The following IL17RC variants were observed in gnomAD, a reference collection of about 807,000 sequenced individuals.
IL17RC encodes the protein interleukin-17 receptor C.
In IL17RC, 53 loss-of-function variants were observed where a neutral mutation model predicts 86.7. The observed-to-expected ratio is 0.61, with a 90% CI of 0.49 to 0.77. The LOEUF is 0.77. Ranked by LOEUF, IL17RC falls within the 30% of genes least tolerant of loss-of-function variation. The pLI is 0.00. For missense variants in IL17RC, 957 were observed against 940.0 expected (o/e 1.02, Z -0.24); for synonymous variants, 439 against 413.1 (o/e 1.06, Z -0.76).
intron 10 of IL17RC, 37 bp downstream of exon 10, chr3:9,928,257 G>A (rs2084290673): frequency 1.2e-6 from 2 of 1,613,936 alleles, no homozygotes; most frequent in East Asian, 2.2e-5. Flanking sequence ...TTGGGGTGTT[G>A]CGAGCGATGG....
At position 9,920,612 on chromosome 3, in the gene IL17RC, C is replaced by A. The variant is rs766428005; in HGVS notation, c.577+10C>A. The A allele has an allele frequency of 5.1e-6, 8 of 1,559,206 alleles. No individual in the cohort carries two copies. The African/African-American group carries it at 8.1e-5, about 16-fold the overall frequency. ...ACACAGCAGCTGCCTGGTAAGTGGA[C>A]CCCCAAGTCCTGGCCCCCTAGCCTC... On this transcript the variant is annotated intron_variant, in intron 6 of 18. Transcript: ENST00000403601.
chr3:9,919,920 C>A (rs199557685), intron 5 of IL17RC, among the ~76,000 whole-genome samples: 21 of 151,996 alleles, frequency 1.4e-4, no homozygotes, highest in African/African-American at 4.8e-4. Flanking sequence ...GGTATACTTA[C>A]CATGGTGTAA....
intron 7 of IL17RC, 73 bp from the exon 8 acceptor site, chr3:9,923,808 C>A: frequency 6.5e-7 from 1 of 1,541,976 alleles, no homozygotes; most frequent in South Asian, 1.2e-5. Context: ...TTGAAGGAAA[C>A]TCCAAAGGGT....
At position 9,925,616 on chromosome 3, in the gene IL17RC, C is replaced by T. The variant is rs200434294; in HGVS notation, c.822+1325C>T. Among the ~76,000 whole-genome samples, 29 of 152,142 alleles carry T rather than the reference C, an allele frequency of 1.9e-4. No individual in the cohort carries two copies. The East Asian group carries it at 4.6e-3, about 24-fold the overall frequency. On this transcript the variant is annotated intron_variant, in intron 9 of 18. Coordinates refer to ENST00000403601, the MANE Select transcript of IL17RC (RefSeq NM_153460.4). ...TTCTGGGCCCATATTCTGCCCCCAA[C>T]GGTGCCTTTTCACTCTATTTTCCCC...
rs1280994624 is a variant in IL17RC at position 9,920,615 on chromosome 3, C to G, written c.577+13C>G. On this transcript the variant is annotated intron_variant, in intron 6 of 18. Coordinates refer to ENST00000403601, the MANE Select transcript of IL17RC (RefSeq NM_153460.4). ...CAGCAGCTGCCTGGTAAGTGGACCC[C>G]CAAGTCCTGGCCCCCTAGCCTCTGT... 1.3e-6 allele frequency: 2 copies of G among 1,554,002 alleles called. No individual in the cohort carries two copies. Among genetic ancestry groups the G allele is most frequent in the Non-Finnish European group, 1.8e-6 (2 of 1,134,044 alleles).
intron 8 of IL17RC, 66 bp from the exon 9 acceptor site, chr3:9,924,166 C>G: frequency 1.2e-6 from 2 of 1,609,864 alleles, no homozygotes; most frequent in Non-Finnish European, 1.7e-6. Flanking sequence ...TCCTGGTTTC[C>G]TTGACTTTGG....
At chr3:9,931,460 C>CATAT (rs1187751352) in intron 16 of IL17RC, among the ~76,000 whole-genome samples, 2 of 10,528 alleles carry the variant, frequency 1.9e-4, no homozygotes, top group African/African-American at 2.5e-4. Context: ...ATTTCACACA[C>CATAT]ACACACACAC....
chr3:9,929,706 C>T (rs2084470689), intron 12 of IL17RC, 146 bp from the exon 13 acceptor site: 1 of 817,496 alleles, frequency 1.2e-6, no homozygotes, highest in East Asian at 2.4e-5. Context: ...TTCCTAATCA[C>T]CCAGCCTTGA....
chr3:9,932,521 C>A, intron 16 of IL17RC, 87 bp from the exon 17 acceptor site: 1 of 1,254,920 alleles, frequency 8.0e-7, no homozygotes, highest in Non-Finnish European at 1.2e-6. Context: ...TGAGCCACCG[C>A]ACCCGGCCCA....
chr3:9,917,765 C>T, intron 2 of IL17RC, 31 bp downstream of exon 2: 1 of 1,613,510 alleles, frequency 6.2e-7, no homozygotes, highest in Non-Finnish European at 8.5e-7. Flanking sequence ...AAAGAATTTC[C>T]CAGGTTGGCC....
rs757445262 is a variant in IL17RC at position 9,933,497 on chromosome 3, GC to G, written c.2069del (p.Pro690GlnfsTer33). The G allele has an allele frequency of 6.2e-7, 1 of 1,611,632 alleles. No individual in the cohort carries two copies. Among genetic ancestry groups the G allele is most frequent in the Non-Finnish European group, 8.5e-7 (1 of 1,179,334 alleles). ...RAEQVSRALQ[P>X]ALDSYFHPPG... The stretch of plus-strand genomic sequence containing the variant: ...CGGAGCAAGTGTCCCGGGCCCTTCA[GC>G]CAGCCCTGGATAGCTACTTCCATCC... On this transcript the variant is annotated frameshift_variant, in exon 19 of 19. Coordinates refer to ENST00000403601, the MANE Select transcript of IL17RC (RefSeq NM_153460.4). LOFTEE classifies it low-confidence loss of function (END_TRUNC).
intron 9 of IL17RC, among the ~76,000 whole-genome samples, chr3:9,926,786 C>T (rs1298225370): frequency 6.6e-6 from 1 of 152,056 alleles, no homozygotes; most frequent in Non-Finnish European, 1.5e-5. Context: ...CCATGCCCGG[C>T]TAATTTTTGT....
Position 9,917,187 on chromosome 3 carries a change from C to T in IL17RC, c.-129C>T, listed in dbSNP as rs2083147334. 4.4e-6 allele frequency: 3 copies of T among 685,478 alleles called. No homozygotes were observed. Among genetic ancestry groups the T allele is most frequent in the South Asian group, 3.8e-5 (2 of 52,824 alleles). The allele number at this position is 685,478 out of a possible 1,614,324, so 42.5% of individuals were successfully genotyped here. ...AAACTACCCAGCACAGCCCCCTCCG[C>T]CCCCTCTGGAGGCTGAAGAGGGATT... On this transcript the variant is annotated 5_prime_UTR_variant, in exon 1 of 19. Transcript: ENST00000403601.
chr3:9,917,554 G>A lies in IL17RC; in HGVS notation c.105+134G>A. The A allele has an allele frequency of 1.9e-6, 3 of 1,613,616 alleles. No homozygotes were observed. The highest frequency in any genetic ancestry group is 1.7e-6 in the Non-Finnish European group (2 of 1,180,020). Reference sequence around the variant, plus strand: ...TCTGGTCTGTCTGGTGCTGATGGTAGAAGAGAAGAACGGGGAAGGGGCAAG... The same window carrying A: ...TCTGGTCTGTCTGGTGCTGATGGTAAAAGAGAAGAACGGGGAAGGGGCAAG... On this transcript the variant is annotated intron_variant, in intron 1 of 18. Coordinates refer to ENST00000403601, the MANE Select transcript of IL17RC (RefSeq NM_153460.4).
intron 7 of IL17RC, 36 bp downstream of exon 7, chr3:9,921,005 G>T (rs772590502): frequency 7.0e-7 from 1 of 1,432,038 alleles, no homozygotes; most frequent in East Asian, 2.3e-5. Context: ...GGGTAGGGAG[G>T]GGCAGGGTCT....
rs372996517 is a variant in IL17RC at position 9,918,050 on chromosome 3, T to C, written c.255T>C (p.Arg85=). The C allele has an allele frequency of 1.6e-5, 26 of 1,592,854 alleles. No individual in the cohort carries two copies. Among genetic ancestry groups the C allele is most frequent in the Non-Finnish European group, 2.0e-5 (23 of 1,169,770 alleles). The change falls in exon 3 of 19, where the codon CGT becomes CGC. Residue 85 remains arginine, a synonymous_variant. Transcript: ENST00000403601. Reference sequence around the variant, plus strand: ...AGACCGACTGTGACCTCTGTCTGCGTGTGGCTGTCCACTTGGCCGTGCATG... The same window carrying C: ...AGACCGACTGTGACCTCTGTCTGCGCGTGGCTGTCCACTTGGCCGTGCATG... ...QKETDCDLCL[R]VAVHLAVHGH...
intron 5 of IL17RC, among the ~76,000 whole-genome samples, chr3:9,920,224 T>C (rs2083428505): frequency 6.6e-6 from 1 of 151,928 alleles, no homozygotes; most frequent in Admixed American, 6.6e-5. Context: ...TTTGGCCAGG[T>C]GATCTAGCAC....
rs755967598 is a variant in IL17RC, at chr3:9,918,377, C to G, written c.323C>G (p.Ala108Gly). 1.9e-6 allele frequency: 3 copies of G among 1,607,504 alleles called. No individual in the cohort carries two copies. The highest frequency in any genetic ancestry group is 1.7e-5 in the Admixed American group (1 of 58,920). Residue 108 changes from alanine to glycine, a missense_variant, in exon 4 of 19, where the codon GCA becomes GGA. By Grantham distance (60) the Ala-to-Gly change is moderately conservative. Coordinates refer to ENST00000403601, the MANE Select transcript of IL17RC (RefSeq NM_153460.4). ...EPEDEEKFGG[A>G]ADSGVEEPRN... is the part of the protein sequence containing the mutation. ...GAAGATGAGGAAAAGTTTGGAGGAG[C>G]AGCTGACTCAGGGGTGGAGGAGCCT...
Position 9,929,942 on chromosome 3 carries a change from G to C in IL17RC, c.1156+45G>C. 4 of 1,613,824 alleles carry C rather than the reference G, an allele frequency of 2.5e-6. No individual in the cohort carries two copies. The East Asian group carries it at 8.9e-5, about 36-fold the overall frequency. On this transcript the variant is annotated intron_variant, in intron 13 of 18. Coordinates refer to ENST00000403601, the MANE Select transcript of IL17RC (RefSeq NM_153460.4). ...AGCTGGGGCAGGGCCACCTCCTAGG[G>C]GTGAAGGTCAGGGCATGGGAGGCAG...
Sources: allele counts gnomAD v4.1 joint callset (sites outside exome capture counted in the v4.1 genomes callset), GRCh38; gene constraint gnomAD v4.1.1; transcripts MANE v1.5; gene names NCBI Gene and HGNC (gene_info 2026-07-23, HGNC 2026-07-21).